The following MYO5B variants were observed in gnomAD, a reference collection of about 807,000 sequenced individuals.
MYO5B encodes unconventional myosin-Vb.
In MYO5B, 143 loss-of-function variants were observed where a neutral mutation model predicts 229.3. The ratio of observed to expected loss-of-function variants is 0.62; its 90% CI spans 0.54 to 0.72. The LOEUF (loss-of-function observed/expected upper bound fraction) is 0.72, where lower values mean the gene tolerates loss of function less well. Among genes scored for constraint, MYO5B ranks in the 30% least tolerant of loss-of-function variants. The pLI is 0.00. For missense variants in MYO5B, 2,321 were observed against 2,331.0 expected, an observed-to-expected ratio of 1.00 and a Z score of 0.09; for synonymous variants, 918 against 885.2, an observed-to-expected ratio of 1.04 and a Z score of -0.66.
chr18:49,885,759 T>TC (rs2024635566), intron 22 of MYO5B, among the ~76,000 whole-genome samples: 2 of 152,024 alleles, frequency 1.3e-5, no homozygotes, highest in Non-Finnish European at 2.9e-5. Context: ...TCACTGGCTC[T>TC]CCCCACCCCA....
At chr18:49,832,140 T>G (rs1045308806) in intron 39 of MYO5B, among the ~76,000 whole-genome samples, 7 of 152,230 alleles carry the variant, frequency 4.6e-5, no homozygotes, top group Non-Finnish European at 1.0e-4. Flanking sequence ...GATGGTTATG[T>G]AATATTGTGA....
intron 21 of MYO5B, among the ~76,000 whole-genome samples, chr18:49,899,294 T>TA (rs2024814821): frequency 6.6e-6 from 1 of 152,212 alleles, no homozygotes; most frequent in South Asian, 2.1e-4. Flanking sequence ...CCCCATCTGC[T>TA]AAGAGATTGC....
intron 35 of MYO5B, chr18:49,840,038 T>C (rs1250891567): frequency 6.5e-6 from 1 of 153,454 alleles, no homozygotes; most frequent in African/African-American, 2.4e-5. Flanking sequence ...ATAATTGTAA[T>C]GATGAAGATA....
chr18:49,887,621 T>C (rs1470615053), intron 22 of MYO5B, among the ~76,000 whole-genome samples: 5 of 152,182 alleles, frequency 3.3e-5, no homozygotes, highest in Admixed American at 6.5e-5. Context: ...ACACTTCCTG[T>C]ACAGACTATA....
intron 1 of MYO5B, among the ~76,000 whole-genome samples, chr18:50,109,149 C>T (rs1418241603): frequency 3.9e-5 from 6 of 152,138 alleles, no homozygotes; most frequent in Non-Finnish European, 8.8e-5. Flanking sequence ...TGAAGAACCA[C>T]GATAAGAAAG....
At chr18:49,955,522 C>T (rs546410159) in intron 12 of MYO5B, among the ~76,000 whole-genome samples, 170 of 152,250 alleles carry the variant, frequency 1.1e-3, no homozygotes, top group African/African-American at 3.5e-3. Context: ...TTGCACTAGC[C>T]GTTTACAAAG....
chr18:50,185,289 T>A lies in MYO5B; in HGVS notation c.27+9478A>T, dbSNP rs59284261. ...AAAACATTTAGTATGAATAAGAATT[T>A]AAAAAAAAAAAAAGAGAGAGAGAGA... On this transcript the variant is annotated intron_variant, in intron 1 of 39. Transcript: ENST00000285039. Among the ~76,000 whole-genome samples the A allele has an allele frequency of 1.7e-3, 235 of 139,100 alleles. 2 individuals carry two copies. In the East Asian group the frequency reaches 0.027, roughly 16 times the overall value. 91.3% of individuals were successfully genotyped at this position (139,100 alleles called of 152,430 possible). A position where few individuals can be genotyped will look rare whatever the true frequency, so the allele number is the denominator to read the frequency against.
intron 12 of MYO5B, 47 bp downstream of exon 12, chr18:49,962,219 T>A (rs371916688): frequency 2.7e-5 from 44 of 1,612,044 alleles, no homozygotes; most frequent in Non-Finnish European, 3.7e-5. Flanking sequence ...TTTCCTTGTA[T>A]CACATCCCTA....
At chr18:50,131,214 T>TG (rs961518651) in intron 1 of MYO5B, among the ~76,000 whole-genome samples, 1 of 152,228 alleles carries the variant, frequency 6.6e-6, no homozygotes, top group African/African-American at 2.4e-5. Flanking sequence ...AACTTAGTCC[T>TG]GAAAGGGAGT....
intron 1 of MYO5B, among the ~76,000 whole-genome samples, chr18:50,055,860 G>A (rs116394961): frequency 5.3e-5 from 8 of 152,268 alleles, no homozygotes; most frequent in African/African-American, 9.6e-5. Flanking sequence ...GAAAGTGGTC[G>A]GCAAATGGAA....
intron 10 of MYO5B, among the ~76,000 whole-genome samples, chr18:49,966,049 G>A (rs2025621495): frequency 6.6e-6 from 1 of 152,118 alleles, no homozygotes; most frequent in African/African-American, 2.4e-5. Flanking sequence ...GAGAAATGTT[G>A]CAGCTGGCCC....
intron 1 of MYO5B, among the ~76,000 whole-genome samples, chr18:50,172,052 T>G (rs1410845985): frequency 6.6e-6 from 1 of 152,034 alleles, no homozygotes; most frequent in Non-Finnish European, 1.5e-5. Flanking sequence ...AGGCCTCATG[T>G]TCATTAGGGC....
At chr18:49,853,870 C>T (rs888833167) in intron 30 of MYO5B, among the ~76,000 whole-genome samples, 2 of 152,278 alleles carry the variant, frequency 1.3e-5, no homozygotes, top group African/African-American at 2.4e-5. Flanking sequence ...GCCAAAGGCA[C>T]TTCTGGTCCT....
intron 27 of MYO5B, among the ~76,000 whole-genome samples, chr18:49,870,254 G>C (rs2024442554): frequency 1.3e-5 from 2 of 152,208 alleles, no homozygotes; most frequent in African/African-American, 4.8e-5. Flanking sequence ...AAAGAATTAA[G>C]TTGGGCCCTT....
chr18:50,147,160 C>T (rs537529191), intron 1 of MYO5B, among the ~76,000 whole-genome samples: 3 of 152,264 alleles, frequency 2.0e-5, no homozygotes, highest in East Asian at 1.9e-4. Context: ...CAGGCCAACC[C>T]TACCCTGTTC....
rs545492620 is a variant in MYO5B at position 50,044,652 on chromosome 18, G to C, written c.139-4338C>G. ...CTGAGCTCTCCAGCAGGGTAGCCCC[G>C]AGCCCCATGTGGCTATTTCAGTGAA... On this transcript the variant is annotated intron_variant, in intron 2 of 39. Coordinates refer to ENST00000285039, the MANE Select transcript of MYO5B (RefSeq NM_001080467.3). 1.7e-3 allele frequency among the ~76,000 whole-genome samples: 259 copies of C among 152,202 alleles called. 1 individual carries two copies. Among genetic ancestry groups the C allele is most frequent in the Non-Finnish European group, 2.3e-3 (157 of 68,024 alleles).
At chr18:50,001,457 C>G in intron 4 of MYO5B, 46 bp from the exon 5 acceptor site, 1 of 1,607,998 alleles carries the variant, frequency 6.2e-7, no homozygotes, top group Non-Finnish European at 8.5e-7. Context: ...TGGAAAGGCT[C>G]TGCTACCGTC....
intron 39 of MYO5B, among the ~76,000 whole-genome samples, chr18:49,827,441 C>G (rs2023860886): frequency 6.6e-6 from 1 of 152,204 alleles, no homozygotes. Flanking sequence ...ATGGCTTCCA[C>G]TAGTGGCATC....
intron 22 of MYO5B, among the ~76,000 whole-genome samples, chr18:49,880,739 T>A (rs1167959807): frequency 1.3e-5 from 2 of 152,218 alleles, no homozygotes; most frequent in Non-Finnish European, 2.9e-5. Flanking sequence ...CTTGCAAAGA[T>A]AACAGGCTTT....
Sources: allele counts gnomAD v4.1 joint callset (sites outside exome capture counted in the v4.1 genomes callset), GRCh38; gene constraint gnomAD v4.1.1; transcripts MANE v1.5; gene names NCBI Gene and HGNC (gene_info 2026-07-23, HGNC 2026-07-21).